DCT: variants seen among roughly 807,000 people sequenced by gnomAD.
DCT encodes L-dopachrome tautomerase.
DCT carries 47 observed loss-of-function variants against 53.0 expected under a neutral mutation model. The ratio of observed to expected loss-of-function variants is 0.89; its 90% CI spans 0.70 to 1.13. The LOEUF is 1.13. Ranked by LOEUF, DCT falls within the 50% of genes most tolerant of loss-of-function variation. The pLI, the probability that DCT is intolerant of heterozygous loss-of-function variation, is 0.00. For missense variants in DCT, 669 were observed against 637.4 expected (o/e 1.05, Z -0.53); for synonymous variants, 244 against 237.0 (o/e 1.03, Z -0.27).
At chr13:94,464,889 T>G (rs1378591630) in intron 4 of DCT, among the ~76,000 whole-genome samples, 1 of 152,154 alleles carries the variant, frequency 6.6e-6, no homozygotes, top group African/African-American at 2.4e-5. Flanking sequence ...CCCAAGCCCC[T>G]GTCCTCCTCA....
chr13:94,518,534 T>A, the DCT span, among the ~76,000 whole-genome samples: 2 of 152,242 alleles, frequency 1.3e-5, no homozygotes, highest in Non-Finnish European at 2.9e-5. Context: ...ATCCCCTTGA[T>A]GAATCCATCA....
chr13:94,450,180 A>C (rs567881480), intron 6 of DCT, among the ~76,000 whole-genome samples: 2 of 152,178 alleles, frequency 1.3e-5, no homozygotes, highest in African/African-American at 2.4e-5. Context: ...TCCTCACCAC[A>C]CGCTGAATCT....
At chr13:94,532,717 A>G in the DCT span, among the ~76,000 whole-genome samples, 1 of 152,222 alleles carries the variant, frequency 6.6e-6, no homozygotes, top group East Asian at 1.9e-4. Context: ...ACAAACCAAC[A>G]TGGCACATGT....
At chr13:94,464,550 G>A (rs945356307) in intron 4 of DCT, among the ~76,000 whole-genome samples, 1 of 152,070 alleles carries the variant, frequency 6.6e-6, no homozygotes, top group African/African-American at 2.4e-5. Flanking sequence ...TGAGGCAGGA[G>A]AATTGCTTGA....
chr13:94,537,937 G>A, the DCT span, among the ~76,000 whole-genome samples: 2 of 152,160 alleles, frequency 1.3e-5, no homozygotes, highest in South Asian at 2.1e-4. Context: ...AAAAAGAGGA[G>A]AAGTACTCTT....
At chr13:94,455,824 G>T (rs952290611) in intron 6 of DCT, among the ~76,000 whole-genome samples, 6 of 152,098 alleles carry the variant, frequency 3.9e-5, no homozygotes, top group African/African-American at 1.4e-4. Context: ...ATTTATCAGA[G>T]GATTCCACTG....
chr13:94,537,019 G>A, the DCT span, among the ~76,000 whole-genome samples: 1 of 152,288 alleles, frequency 6.6e-6, no homozygotes, highest in Non-Finnish European at 1.5e-5. Context: ...TGCCCAGCCT[G>A]CAGAACCATG....
chr13:94,474,020 T>A (rs1404005749), intron 1 of DCT, among the ~76,000 whole-genome samples: 1 of 152,244 alleles, frequency 6.6e-6, no homozygotes, highest in Non-Finnish European at 1.5e-5. Context: ...TTAGTTTTCC[T>A]AATAGCATCT....
the DCT span, among the ~76,000 whole-genome samples, chr13:94,498,618 G>T: frequency 6.6e-6 from 1 of 152,344 alleles, no homozygotes; most frequent in African/African-American, 2.4e-5. Context: ...AACACTTGTT[G>T]TTGAAGCCAC....
In DCT at chr13:94,468,974, G is replaced by A. The variant is rs755459551; in HGVS notation, c.367C>T (p.Pro123Ser). The A allele has an allele frequency of 1.9e-6, 3 of 1,613,988 alleles. No homozygotes were observed. The African/African-American group carries it at 4.0e-5, about 22-fold the overall frequency. Residue 123 changes from proline (P) to serine (S), a missense_variant, in exon 2 of 8, where the codon CCA becomes TCA. Transcript: ENST00000377028. ...TGGATGTTCTGCCGAATCACTGGTGGTTTCTTCCGCTCGCAGTTGGGACCG... is the reference window on the plus strand; with the variant it reads ...TGGATGTTCTGCCGAATCACTGGTGATTTCTTCCGCTCGCAGTTGGGACCG... Reference protein sequence around the residue: ...WTGPNCERKKPPVIRQNIHSL... With the variant: ...WTGPNCERKKSPVIRQNIHSL...
At position 94,465,781 on chromosome 13, in the gene DCT, A is replaced by C; in HGVS notation, c.715T>G (p.Ser239Ala). Reference protein sequence around the residue: ...RDLQRLIGNESFALPYWNFAT... With the variant: ...RDLQRLIGNEAFALPYWNFAT... Reference sequence around the variant, plus strand: ...AAGTTCCAGTAGGGCAAAGCAAAAGACTCATTGCCAATGAGTCGCTAAAAG... The same window carrying C: ...AAGTTCCAGTAGGGCAAAGCAAAAGCCTCATTGCCAATGAGTCGCTAAAAG... Residue 239 changes from serine to alanine, a missense_variant, in exon 4 of 8, where the codon TCT becomes GCT. By Grantham distance (99) the Ser-to-Ala change is moderately conservative. Transcript: ENST00000377028. 1 of 1,610,876 alleles carries C rather than the reference A, an allele frequency of 6.2e-7. No homozygotes were observed. The highest frequency in any genetic ancestry group is 8.5e-7 in the Non-Finnish European group (1 of 1,178,614).
At chr13:94,520,220 C>T in the DCT span, among the ~76,000 whole-genome samples, 1,889 of 152,262 alleles carry the variant, frequency 0.012, 42 homozygotes, top group African/African-American at 0.043. Context: ...AAAAGACAAC[C>T]CTTTGTTCTC....
chr13:94,536,988 A>G, the DCT span, among the ~76,000 whole-genome samples: 1 of 152,194 alleles, frequency 6.6e-6, no homozygotes, highest in Non-Finnish European at 1.5e-5. Flanking sequence ...CCAGAAGCTG[A>G]GCAGGTGTGG....
chr13:94,498,506 G>A, the DCT span, among the ~76,000 whole-genome samples: 1,653 of 152,278 alleles, frequency 0.011, 24 homozygotes, highest in African/African-American at 0.038. Flanking sequence ...AGGCCAGAGA[G>A]AGCTTTCCTC....
At chr13:94,533,208 A>C in the DCT span, among the ~76,000 whole-genome samples, 1 of 151,078 alleles carries the variant, frequency 6.6e-6, no homozygotes, top group East Asian at 2.0e-4. Context: ...TAGTTATAAC[A>C]TGAAAGAATC....
the DCT span, among the ~76,000 whole-genome samples, chr13:94,528,812 G>A: frequency 8.0e-6 from 1 of 124,648 alleles, no homozygotes; most frequent in African/African-American, 3.4e-5. Context: ...AAATGTAAAT[G>A]GGCTAAAGCC....
chr13:94,447,287 G>A (rs1173613212), intron 6 of DCT, among the ~76,000 whole-genome samples: 2 of 152,180 alleles, frequency 1.3e-5, no homozygotes, highest in Non-Finnish European at 2.9e-5. Context: ...AAGGGAGATG[G>A]TTTCAGGATG....
chr13:94,472,556 ATATATATATATATTTTTTTTTTTTTTT>A (rs1884784885), intron 1 of DCT, among the ~76,000 whole-genome samples: 6 of 22,810 alleles, frequency 2.6e-4, no homozygotes, highest in Non-Finnish European at 4.4e-4. Flanking sequence ...ATATATATAT[ATATATATATATATTTTTTTTTTTTTTT>A]TTTTTTTTTT....
At chr13:94,493,471 C>T in the DCT span, among the ~76,000 whole-genome samples, 1 of 152,198 alleles carries the variant, frequency 6.6e-6, no homozygotes, top group African/African-American at 2.4e-5. Context: ...GATAAACATT[C>T]ATTACCTTGA....
Sources: allele counts gnomAD v4.1 joint callset (sites outside exome capture counted in the v4.1 genomes callset), GRCh38; gene constraint gnomAD v4.1.1; transcripts MANE v1.5; gene names NCBI Gene and HGNC (gene_info 2026-07-23, HGNC 2026-07-21).